Variants in ATP2B1 observed in about 807,000 individuals in gnomAD.
ATP2B1 encodes the protein ATPase plasma membrane Ca2+ transporting 1, also known as plasma membrane calcium-transporting ATPase 1.
A neutral mutation model predicts 124.2 loss-of-function variants in ATP2B1; 14 were observed. The observed-to-expected ratio is 0.11, with a 90% CI of 0.07 to 0.18. The LOEUF is 0.18. Ranked by LOEUF, ATP2B1 falls within the 10% of genes least tolerant of loss-of-function variation. The pLI is 1.00. For missense variants in ATP2B1, 763 were observed against 1,466.1 expected, an observed-to-expected ratio of 0.52 and a Z score of 7.83; for synonymous variants, 449 against 492.4, an observed-to-expected ratio of 0.91 and a Z score of 1.17.
chr12:89,689,438 C>T (rs1267949035), intron 1 of ATP2B1, among the ~76,000 whole-genome samples: 1 of 152,060 alleles, frequency 6.6e-6, no homozygotes, highest in African/African-American at 2.4e-5. Flanking sequence ...CTTCCAGCAG[C>T]TGAGTATAAA....
intron 1 of ATP2B1, among the ~76,000 whole-genome samples, chr12:89,701,832 A>G (rs990962528): frequency 2.0e-5 from 3 of 152,272 alleles, no homozygotes; most frequent in Admixed American, 2.0e-4. Context: ...ATAGGCATCA[A>G]GCACAGCATC....
chr12:89,693,288 T>C (rs1467833249), intron 1 of ATP2B1, among the ~76,000 whole-genome samples: 1 of 152,208 alleles, frequency 6.6e-6, no homozygotes, highest in East Asian at 1.9e-4. Flanking sequence ...AGGTTGGGCA[T>C]GTCTTTAACA....
In ATP2B1 at chr12:89,655,988, T is replaced by C; in HGVS notation, c.-102A>G. On this transcript the variant is annotated 5_prime_UTR_variant, in exon 2 of 21. Coordinates refer to ENST00000428670, the MANE Select transcript of ATP2B1 (RefSeq NM_001366521.1). ...ATCTTTTAAGTATGAAAATCTTTCT[T>C]AAACCAAACACTCATTGTATGACTT... 1 of 1,193,954 alleles carries C rather than the reference T, an allele frequency of 8.4e-7. No individual in the cohort carries two copies. The highest frequency in any genetic ancestry group is 2.5e-5 in the East Asian group (1 of 40,388). 74.0% of individuals were successfully genotyped at this position (1,193,954 alleles called of 1,614,324 possible).
intron 8 of ATP2B1, among the ~76,000 whole-genome samples, chr12:89,625,290 A>C (rs927814278): frequency 1.3e-5 from 2 of 149,844 alleles, no homozygotes; most frequent in African/African-American, 2.4e-5. Context: ...CCCCGCCCCC[A>C]AAAATAGAGG....
chr12:89,606,354 A>C (rs1260905337), intron 15 of ATP2B1, among the ~76,000 whole-genome samples: 3 of 152,212 alleles, frequency 2.0e-5, no homozygotes, highest in Non-Finnish European at 2.9e-5. Context: ...GAAGCAGCTA[A>C]AACAGTTTCC....
chr12:89,688,934 A>G (rs1479686949), intron 1 of ATP2B1, among the ~76,000 whole-genome samples: 1 of 152,116 alleles, frequency 6.6e-6, no homozygotes, highest in Admixed American at 6.6e-5. Context: ...TTTTGCTTAT[A>G]GGTTCCTTTA....
chr12:89,628,719 CTTT>C (rs1881345818), intron 6 of ATP2B1, among the ~76,000 whole-genome samples: 2 of 152,180 alleles, frequency 1.3e-5, no homozygotes, highest in African/African-American at 4.8e-5. Flanking sequence ...CTTCTAGCTT[CTTT>C]ATCGAGGAGA....
chr12:89,707,649 T>C (rs917246000), intron 1 of ATP2B1, among the ~76,000 whole-genome samples: 1 of 152,104 alleles, frequency 6.6e-6, no homozygotes, highest in Admixed American at 6.6e-5. Context: ...TGCAGACCCC[T>C]TTAACCCACC....
In ATP2B1 at chr12:89,610,452, T is replaced by C. The variant is rs756499349; in HGVS notation, c.2304A>G (p.Ser768=). The C allele has an allele frequency of 6.2e-7, 1 of 1,613,854 alleles. No homozygotes were observed. Among genetic ancestry groups the C allele is most frequent in the African/African-American group, 1.3e-5 (1 of 75,034 alleles). ...IWPKLRVLAR[S]SPTDKHTLVK... The stretch of plus-strand genomic sequence containing the variant: ...CCAGTGTATGCTTATCAGTAGGAGA[T>C]GATCTTGCAAGTACTCGAAGTTTTG... Residue 768 remains serine, a synonymous_variant, in exon 14 of 21, where the codon TCA becomes TCG. Coordinates refer to ENST00000428670, the MANE Select transcript of ATP2B1 (RefSeq NM_001366521.1).
At chr12:89,610,172 T>C in intron 14 of ATP2B1, 129 bp from the exon 15 acceptor site, 2 of 926,566 alleles carry the variant, frequency 2.2e-6, no homozygotes, top group South Asian at 3.6e-5. Flanking sequence ...AAATGGAAAT[T>C]GCTTAGATGT....
chr12:89,673,223 T>C (rs898388710), intron 1 of ATP2B1, among the ~76,000 whole-genome samples: 1 of 152,236 alleles, frequency 6.6e-6, no homozygotes. Flanking sequence ...ATACTTTTCA[T>C]AGCCTTGCAT....
intron 1 of ATP2B1, among the ~76,000 whole-genome samples, chr12:89,686,178 T>A (rs534858427): frequency 6.6e-6 from 1 of 152,130 alleles, no homozygotes; most frequent in Non-Finnish European, 1.5e-5. Context: ...TCAGCATGTG[T>A]TCTTCAAGGC....
intron 8 of ATP2B1, 70 bp downstream of exon 8, chr12:89,626,384 T>C (rs1252754929): frequency 2.0e-6 from 3 of 1,485,110 alleles, no homozygotes; most frequent in African/African-American, 1.4e-5. Context: ...CTTAAGTGTG[T>C]CAAAAGACAA....
chr12:89,701,449 A>AT (rs958903284), intron 1 of ATP2B1, among the ~76,000 whole-genome samples: 24 of 151,978 alleles, frequency 1.6e-4, no homozygotes, highest in Non-Finnish European at 2.4e-4. Flanking sequence ...TTCAGGTACT[A>AT]TTTTTTTTGG....
intron 15 of ATP2B1, among the ~76,000 whole-genome samples, chr12:89,608,127 C>G (rs1485308847): frequency 1.3e-5 from 2 of 152,022 alleles, no homozygotes; most frequent in Non-Finnish European, 2.9e-5. Flanking sequence ...AGTTTCAAGT[C>G]CAAGCTACCA....
At chr12:89,691,870 A>C (rs1472636639) in intron 1 of ATP2B1, among the ~76,000 whole-genome samples, 1 of 152,160 alleles carries the variant, frequency 6.6e-6, no homozygotes, top group Non-Finnish European at 1.5e-5. Flanking sequence ...ATTAAGAAGT[A>C]ACACTGAAAC....
chr12:89,590,008 CAAAA>C lies in ATP2B1; in HGVS notation c.*972_*975del. On this transcript the variant is annotated 3_prime_UTR_variant, in exon 21 of 21. Transcript: ENST00000428670. Reference sequence around the variant, plus strand: ...CTAAACTAACATGTTTAGACAAAAACAAAAAAGACTAAGGTTCTCTTGTAGTTTG... The same window carrying C: ...CTAAACTAACATGTTTAGACAAAAACAAGACTAAGGTTCTCTTGTAGTTTG... 6.6e-6 allele frequency: 1 copy of C among 152,402 alleles called. No individual in the cohort carries two copies. The highest frequency in any genetic ancestry group is 1.5e-5 in the Non-Finnish European group (1 of 67,890). The allele number at this position is 152,402 out of a possible 1,614,324, so 9.4% of individuals were successfully genotyped here. A position where few individuals can be genotyped will look rare whatever the true frequency, so the allele number is the denominator to read the frequency against.
chr12:89,627,744 TTTC>T, intron 6 of ATP2B1, 28 bp from the exon 7 acceptor site: 2 of 1,609,780 alleles, frequency 1.2e-6, no homozygotes, highest in Non-Finnish European at 1.7e-6. Flanking sequence ...GAATTAAAGC[TTTC>T]CAAAAGAAAT....
At chr12:89,648,937 G>T (rs146743298) in intron 2 of ATP2B1, among the ~76,000 whole-genome samples, 1 of 152,238 alleles carries the variant, frequency 6.6e-6, no homozygotes, top group Non-Finnish European at 1.5e-5. Context: ...GGTGCAAGCC[G>T]TAAGCCTTGG....
Sources: allele counts gnomAD v4.1 joint callset (sites outside exome capture counted in the v4.1 genomes callset), GRCh38; gene constraint gnomAD v4.1.1; transcripts MANE v1.5; gene names NCBI Gene and HGNC (gene_info 2026-07-23, HGNC 2026-07-21).